INTS4: variants seen among roughly 807,000 people sequenced by gnomAD.
INTS4 encodes the protein integrator complex subunit 4, also known as MSTP093.
A neutral mutation model predicts 119.5 loss-of-function variants in INTS4; 70 were observed. That is an observed-to-expected ratio of 0.59 (90% CI 0.48 to 0.71). The LOEUF (loss-of-function observed/expected upper bound fraction) is 0.71, where lower values mean the gene tolerates loss of function less well. INTS4 is among the 30% of genes least tolerant of loss of function. The pLI is 0.00. For missense variants in INTS4, 867 were observed against 1,173.2 expected, an observed-to-expected ratio of 0.74 and a Z score of 3.81; for synonymous variants, 316 against 419.6, an observed-to-expected ratio of 0.75 and a Z score of 3.02.
At position 77,981,254 on chromosome 11, in the gene INTS4, G is replaced by A. The variant is rs560416571; in HGVS notation, c.364+205C>T. On this transcript the variant is annotated intron_variant, in intron 3 of 22. Coordinates refer to ENST00000534064, the MANE Select transcript of INTS4 (RefSeq NM_033547.4). ...CATATGTAAACTACCTCAAATATAT[G>A]GTAGGTACCTGGCCAATAAATGACA... is the stretch of plus-strand genomic sequence containing the variant. Among the ~76,000 whole-genome samples, 424 of 149,846 alleles carry A rather than the reference G, an allele frequency of 2.8e-3. 29 individuals carry two copies. The highest frequency in any genetic ancestry group is 7.1e-3 in the Middle Eastern group (2 of 280).
chr11:77,909,260 C>A (rs1307575960), intron 15 of INTS4, among the ~76,000 whole-genome samples: 3 of 152,238 alleles, frequency 2.0e-5, no homozygotes, highest in Non-Finnish European at 4.4e-5. Flanking sequence ...CTTAATCATA[C>A]CATATCTCCA....
intron 4 of INTS4, among the ~76,000 whole-genome samples, chr11:77,964,555 C>A (rs1292955227): frequency 2.0e-5 from 3 of 148,706 alleles, no homozygotes; most frequent in African/African-American, 7.4e-5. Flanking sequence ...GCCTGTGTGA[C>A]AGAGCGAGAC....
chr11:77,991,182 G>C lies in INTS4; in HGVS notation c.172C>G (p.Gln58Glu), dbSNP rs1171637716. 6.2e-7 allele frequency: 1 copy of C among 1,614,146 alleles called. No individual in the cohort carries two copies. The highest frequency in any genetic ancestry group is 8.5e-7 in the Non-Finnish European group (1 of 1,180,034). Residue 58 changes from glutamine (Q) to glutamate (E), a missense_variant, in exon 2 of 23, where the codon CAG becomes GAG. Physicochemically the swap from Gln to Glu is conservative, Grantham distance 29. Around this residue, in one of 5 missense-constraint regions of INTS4, gnomAD observed 224 missense variants for 231.8 expected, o/e 0.97. Coordinates refer to ENST00000534064, the MANE Select transcript of INTS4 (RefSeq NM_033547.4). Reference protein sequence around the residue: ...SPADALQYLLQFARKPVEAES... With the variant: ...SPADALQYLLEFARKPVEAES... ...GCCTCGACAGGCTTCCTGGCAAACT[G>C]GAGCAAGTATTGCAAAGCATCTGCT... is the stretch of plus-strand genomic sequence containing the variant.
chr11:77,932,954 G>A (rs1265037825), intron 10 of INTS4, among the ~76,000 whole-genome samples: 1 of 125,052 alleles, frequency 8.0e-6, no homozygotes, highest in Non-Finnish European at 1.6e-5. Flanking sequence ...ACTGGGGCCT[G>A]TCAGGGGGTG....
chr11:77,915,814 G>A (rs1166800866), intron 15 of INTS4, among the ~76,000 whole-genome samples: 1 of 152,192 alleles, frequency 6.6e-6, no homozygotes, highest in Non-Finnish European at 1.5e-5. Flanking sequence ...AGATTCCCTT[G>A]AGCTAGGTTC....
intron 10 of INTS4, among the ~76,000 whole-genome samples, chr11:77,936,574 G>T (rs906755554): frequency 3.3e-5 from 5 of 152,218 alleles, no homozygotes; most frequent in East Asian, 1.9e-4. Flanking sequence ...TAGAGATAGG[G>T]TCTCCTTATG....
chr11:77,920,783 T>C (rs1953340581), intron 14 of INTS4, among the ~76,000 whole-genome samples: 2 of 151,646 alleles, frequency 1.3e-5, no homozygotes, highest in Non-Finnish European at 1.5e-5. Context: ...ACCTGGGAGG[T>C]GGAGCTTGCA....
Position 77,961,143 on chromosome 11 carries a change from T to TAAAAAAAAAAAAAAAAAAAAAAAAA in INTS4, c.472-6_472-5insTTTTTTTTTTTTTTTTTTTTTTTTT, listed in dbSNP as rs11370501. On this transcript the variant is annotated splice_region_variant and splice_polypyrimidine_tract_variant and intron_variant, in intron 4 of 22. Coordinates refer to ENST00000534064, the MANE Select transcript of INTS4 (RefSeq NM_033547.4). ...ATGAGACGTATCTGTCAGATGCTAT[T>TAAAAAAAAAAAAAAAAAAAAAAAAA]AAAAAAAAAAAAAAAAAGAAAAAAA... 5 of 1,216,664 alleles carry TAAAAAAAAAAAAAAAAAAAAAAAAA rather than the reference T, an allele frequency of 4.1e-6. No homozygotes were observed. The highest frequency in any genetic ancestry group is 2.7e-5 in the South Asian group (1 of 36,738). 75.4% of individuals were successfully genotyped at this position (1,216,664 alleles called of 1,614,324 possible).
chr11:77,979,206 C>T (rs1856088053), intron 3 of INTS4, 104 bp from the exon 4 acceptor site: 3 of 633,860 alleles, frequency 4.7e-6, no homozygotes, highest in African/African-American at 1.8e-5. Context: ...CGCAGTGACT[C>T]ACAACTGTAA....
chr11:77,891,195 A>T (rs1952246490), intron 21 of INTS4, 124 bp downstream of exon 21: 1 of 847,344 alleles, frequency 1.2e-6, no homozygotes, highest in South Asian at 1.9e-5. Flanking sequence ...TCTTTCCCAC[A>T]GAGGCTCATT....
intron 4 of INTS4, among the ~76,000 whole-genome samples, chr11:77,976,325 C>T (rs923373560): frequency 2.6e-5 from 4 of 152,208 alleles, no homozygotes; most frequent in East Asian, 3.9e-4. Context: ...AGTTCACACA[C>T]GTAATCTCGG....
At chr11:77,890,288 C>A (rs1256676954) in intron 21 of INTS4, among the ~76,000 whole-genome samples, 2 of 152,194 alleles carry the variant, frequency 1.3e-5, no homozygotes, top group Non-Finnish European at 2.9e-5. Context: ...GTCACCATAG[C>A]CAAAAAGCAT....
intron 1 of INTS4, among the ~76,000 whole-genome samples, chr11:77,994,108 G>A (rs1856803412): frequency 1.3e-5 from 2 of 152,006 alleles, no homozygotes; most frequent in South Asian, 2.1e-4. Flanking sequence ...TGCGCCTGAA[G>A]GAATTCTATA....
intron 8 of INTS4, among the ~76,000 whole-genome samples, chr11:77,941,711 G>C (rs1953933455): frequency 6.6e-6 from 1 of 152,006 alleles, no homozygotes; most frequent in African/African-American, 2.4e-5. Flanking sequence ...TCACCACGTT[G>C]GGCAGGCTAG....
chr11:77,974,867 T>C (rs1241288636), intron 4 of INTS4, among the ~76,000 whole-genome samples: 34 of 152,128 alleles, frequency 2.2e-4, no homozygotes, highest in Non-Finnish European at 3.4e-4. Context: ...TCTCCAACTG[T>C]GGGATTACAG....
intron 4 of INTS4, among the ~76,000 whole-genome samples, chr11:77,972,991 C>T (rs1855792689): frequency 1.3e-5 from 2 of 151,738 alleles, no homozygotes; most frequent in African/African-American, 2.4e-5. Context: ...CAGGCAAGTG[C>T]CACCATACCT....
chr11:77,948,533 G>A (rs535843396), intron 8 of INTS4, among the ~76,000 whole-genome samples: 36 of 151,826 alleles, frequency 2.4e-4, no homozygotes, highest in East Asian at 1.4e-3. Flanking sequence ...CTGTAATCCC[G>A]GTACTGGGGA....
At position 77,938,819 on chromosome 11, in the gene INTS4, G is replaced by C; in HGVS notation, c.997C>G (p.Arg333Gly). 2.5e-6 allele frequency: 4 copies of C among 1,610,706 alleles called. No homozygotes were observed. Among genetic ancestry groups the C allele is most frequent in the Non-Finnish European group, 3.4e-6 (4 of 1,179,188 alleles). The stretch of plus-strand genomic sequence containing the variant: ...TCCTTGGCACGCTCATGTGCAGTAC[G>C]TTTCCTCTGCAGAGGACAACAACAA... ...KKLMSDLRRK[R>G]TAHERAKELY... is the part of the protein sequence containing the mutation. Residue 333 changes from arginine to glycine, a missense_variant, in exon 10 of 23, where the codon CGT becomes GGT. Physicochemically the swap from Arg to Gly is moderately radical, Grantham distance 125 (BLOSUM62 -2). Around this residue, in one of 5 missense-constraint regions of INTS4, gnomAD observed 208 missense variants for 306.6 expected, o/e 0.68. Transcript: ENST00000534064.
At chr11:77,941,831 G>C (rs1029234570) in intron 8 of INTS4, among the ~76,000 whole-genome samples, 1 of 151,846 alleles carries the variant, frequency 6.6e-6, no homozygotes, top group African/African-American at 2.4e-5. Flanking sequence ...CTATTCTAAG[G>C]GCTTTAGACG....
Sources: allele counts gnomAD v4.1 joint callset (sites outside exome capture counted in the v4.1 genomes callset), GRCh38; gene constraint gnomAD v4.1.1; regional missense constraint gnomAD v4.1.1; transcripts MANE v1.5; gene names NCBI Gene and HGNC (gene_info 2026-07-23, HGNC 2026-07-21).